The following RAB39A variants were observed in gnomAD, a reference collection of about 807,000 sequenced individuals.
RAB39A encodes ras-related protein Rab-39A.
In RAB39A, 17 loss-of-function variants were observed where a neutral mutation model predicts 20.9. The ratio of observed to expected loss-of-function variants is 0.81; its 90% CI spans 0.56 to 1.22. The LOEUF is 1.22. Among genes scored for constraint, RAB39A ranks in the 50% most tolerant of loss-of-function variants. The probability of loss-of-function intolerance (pLI) is 0.00; values close to 1 mark genes in which losing one functional copy is unlikely to be tolerated. For missense variants in RAB39A, 234 were observed against 270.5 expected, an observed-to-expected ratio of 0.87 and a Z score of 0.95; for synonymous variants, 99 against 103.4, an observed-to-expected ratio of 0.96 and a Z score of 0.26.
chr11:107,951,982 T>G (rs1861385397), intron 1 of RAB39A, among the ~76,000 whole-genome samples: 1 of 152,208 alleles, frequency 6.6e-6, no homozygotes, highest in Non-Finnish European at 1.5e-5. Context: ...CACACTTGAT[T>G]GCATTAATCA....
intron 1 of RAB39A, among the ~76,000 whole-genome samples, chr11:107,960,623 G>A (rs563169158): frequency 4.6e-5 from 7 of 152,260 alleles, no homozygotes; most frequent in African/African-American, 1.7e-4. Context: ...TATTTCCAGA[G>A]ATACAATCAG....
chr11:107,945,982 C>T (rs1822963485), intron 1 of RAB39A, among the ~76,000 whole-genome samples: 1 of 152,042 alleles, frequency 6.6e-6, no homozygotes, highest in Non-Finnish European at 1.5e-5. Context: ...AAGCAATACA[C>T]TGGTAAAATT....
intron 1 of RAB39A, among the ~76,000 whole-genome samples, chr11:107,943,570 CAAA>C (rs1306320458): frequency 8.8e-5 from 5 of 56,532 alleles, no homozygotes; most frequent in African/African-American, 2.0e-4. Context: ...GACTCCGTCT[CAAA>C]AAAAAAAAAA....
intron 1 of RAB39A, among the ~76,000 whole-genome samples, chr11:107,936,531 A>G (rs1040002305): frequency 6.6e-6 from 1 of 152,188 alleles, no homozygotes; most frequent in Admixed American, 6.5e-5. Context: ...TCTGTTCTTA[A>G]TTTTAAAAGC....
intron 1 of RAB39A, among the ~76,000 whole-genome samples, chr11:107,930,329 C>A (rs1861122923): frequency 6.6e-6 from 1 of 152,166 alleles, no homozygotes; most frequent in Admixed American, 6.6e-5. Flanking sequence ...AACATTCCTT[C>A]CAGTTTTACC....
At chr11:107,945,040 A>G (rs540078720) in intron 1 of RAB39A, among the ~76,000 whole-genome samples, 1 of 152,098 alleles carries the variant, frequency 6.6e-6, no homozygotes, top group East Asian at 1.9e-4. Context: ...AAAATTAGCC[A>G]GGCATGGTGG....
At chr11:107,942,053 C>G (rs745377037) in intron 1 of RAB39A, among the ~76,000 whole-genome samples, 4 of 125,902 alleles carry the variant, frequency 3.2e-5, no homozygotes, top group African/African-American at 6.1e-5. Flanking sequence ...GAGCCAAGAT[C>G]GTACCACTGC....
intron 1 of RAB39A, among the ~76,000 whole-genome samples, chr11:107,948,273 A>G (rs905618152): frequency 2.6e-5 from 4 of 152,226 alleles, no homozygotes; most frequent in Non-Finnish European, 5.9e-5. Flanking sequence ...TGAGAAGTAC[A>G]TGGAAAATTT....
chr11:107,943,570 C>CAAAAA (rs1306320458), intron 1 of RAB39A, among the ~76,000 whole-genome samples: 1 of 56,554 alleles, frequency 1.8e-5, no homozygotes, highest in Non-Finnish European at 3.7e-5. Flanking sequence ...GACTCCGTCT[C>CAAAAA]AAAAAAAAAA....
intron 1 of RAB39A, among the ~76,000 whole-genome samples, chr11:107,948,727 A>G (rs1861344330): frequency 6.6e-6 from 1 of 152,084 alleles, no homozygotes; most frequent in Non-Finnish European, 1.5e-5. Flanking sequence ...AGCGTGAGCC[A>G]CCGCGCCCAG....
chr11:107,952,354 G>A (rs1263679385), intron 1 of RAB39A, among the ~76,000 whole-genome samples: 1 of 152,144 alleles, frequency 6.6e-6, no homozygotes, highest in Admixed American at 6.6e-5. Flanking sequence ...AGCCGAGGTG[G>A]GCGGATCACC....
chr11:107,949,178 G>A (rs536642707), intron 1 of RAB39A, among the ~76,000 whole-genome samples: 3 of 152,046 alleles, frequency 2.0e-5, no homozygotes, highest in East Asian at 3.9e-4. Flanking sequence ...TGGGTGTGGG[G>A]CACGTGCCTG....
chr11:107,936,157 C>T (rs1327248944), intron 1 of RAB39A, among the ~76,000 whole-genome samples: 1 of 152,272 alleles, frequency 6.6e-6, no homozygotes, highest in East Asian at 1.9e-4. Flanking sequence ...ACCTCGGCCT[C>T]CCAAAGTGGT....
At chr11:107,936,783 G>A (rs1003957484) in intron 1 of RAB39A, among the ~76,000 whole-genome samples, 13 of 152,020 alleles carry the variant, frequency 8.6e-5, no homozygotes, top group Non-Finnish European at 1.8e-4. Flanking sequence ...CAAATTAGCT[G>A]TGCATGGTGG....
At chr11:107,941,693 A>G (rs951323838) in intron 1 of RAB39A, among the ~76,000 whole-genome samples, 4 of 152,238 alleles carry the variant, frequency 2.6e-5, no homozygotes, top group Non-Finnish European at 5.9e-5. Flanking sequence ...AAAGGAGCAA[A>G]TGGACAAATG....
rs769598564 is a variant in RAB39A, at chr11:107,962,399, G to T, written c.*27G>T. ...TTCAAACATGCTGAAGAACTAACAG[G>T]AACAGATTGGGTGTCAGTTCAGGAT... On this transcript the variant is annotated 3_prime_UTR_variant, in exon 2 of 2. Transcript: ENST00000320578. 2.6e-6 allele frequency: 4 copies of T among 1,558,990 alleles called. No homozygotes were observed. In the South Asian group the frequency reaches 4.8e-5, roughly 19 times the overall value.
intron 1 of RAB39A, among the ~76,000 whole-genome samples, chr11:107,944,654 G>A (rs1013540858): frequency 3.3e-5 from 5 of 151,804 alleles, no homozygotes; most frequent in South Asian, 2.1e-4. Flanking sequence ...CAACGTGCTG[G>A]GATTATAGCC....
chr11:107,954,522 A>G (rs769486686), intron 1 of RAB39A, among the ~76,000 whole-genome samples: 1 of 151,324 alleles, frequency 6.6e-6, no homozygotes, highest in Non-Finnish European at 1.5e-5. Flanking sequence ...CGTCTCTCCA[A>G]CTCTTCCTCT....
Position 107,928,876 on chromosome 11 carries a change from G to T in RAB39A, c.227+81G>T. On this transcript the variant is annotated intron_variant, in intron 1 of 1. Transcript: ENST00000320578. The surrounding 1 kb of genome is among the most constrained non-coding windows in gnomAD (Gnocchi z 4.9). ...CCCTTCCCCAGGCGTCCGCCCCGCCGGCCCTGGTCGGGAGAGGCTCTGGCC... is the reference window on the plus strand; with the variant it reads ...CCCTTCCCCAGGCGTCCGCCCCGCCTGCCCTGGTCGGGAGAGGCTCTGGCC... The T allele has an allele frequency of 8.3e-7, 1 of 1,204,662 alleles. No individual in the cohort carries two copies. 74.6% of individuals were successfully genotyped at this position (1,204,662 alleles called of 1,614,324 possible). A position where few individuals can be genotyped will look rare whatever the true frequency, so the allele number is the denominator to read the frequency against.
Sources: allele counts gnomAD v4.1 joint callset (sites outside exome capture counted in the v4.1 genomes callset), GRCh38; gene constraint gnomAD v4.1.1; non-coding constraint Gnocchi (gnomAD v3.1); transcripts MANE v1.5; gene names NCBI Gene and HGNC (gene_info 2026-07-23, HGNC 2026-07-21).